Variants in CCDC201 observed in about 807,000 individuals in gnomAD.
The protein encoded by CCDC201 is coiled-coil domain-containing protein 201.
intron 2 of CCDC201, among the ~76,000 whole-genome samples, chr7:45,863,414 T>C (rs1167951002): frequency 6.6e-6 from 1 of 151,998 alleles, no homozygotes; most frequent in African/African-American, 2.4e-5. Context: ...AAGGTGCAGA[T>C]GAAGTCTGTG....
intron 1 of CCDC201, among the ~76,000 whole-genome samples, chr7:45,869,151 G>C: frequency 6.6e-6 from 1 of 152,286 alleles, no homozygotes; most frequent in Middle Eastern, 3.4e-3. Flanking sequence ...AGAGCTATGT[G>C]TTTCACTTCC....
the CCDC201 span, among the ~76,000 whole-genome samples, chr7:45,881,312 G>C: frequency 6.6e-6 from 1 of 152,132 alleles, no homozygotes; most frequent in Non-Finnish European, 1.5e-5. Flanking sequence ...CTGCCTCTTT[G>C]TTTCTTCCCT....
At chr7:45,879,225 C>T in the CCDC201 span, among the ~76,000 whole-genome samples, 2 of 152,190 alleles carry the variant, frequency 1.3e-5, no homozygotes, top group Non-Finnish European at 2.9e-5. Flanking sequence ...TCTGAAAAGT[C>T]TTTAGGAAGT....
chr7:45,877,690 C>T (rs1461847135), upstream of CCDC201, among the ~76,000 whole-genome samples: 3 of 152,172 alleles, frequency 2.0e-5, no homozygotes, highest in African/African-American at 4.8e-5. Context: ...GATCCAATCA[C>T]CTCCCATCAG....
In CCDC201 at chr7:45,871,383, A is replaced by C. The variant is rs147217976; in HGVS notation, c.18+1607T>G. ...AATTCATAAATTACCAGAAAAAAAA[A>C]CAAAAAAATTAAAAATCTGAAACAA... On this transcript the variant is annotated intron_variant, in intron 1 of 2. Transcript: ENST00000636578. Among the ~76,000 whole-genome samples the C allele has an allele frequency of 4.8e-3, 726 of 152,162 alleles. 12 individuals carry two copies. The highest frequency in any genetic ancestry group is 0.016 in the African/African-American group (666 of 41,528).
chr7:45,868,381 C>T (rs1583653190), intron 1 of CCDC201, among the ~76,000 whole-genome samples: 1 of 152,314 alleles, frequency 6.6e-6, no homozygotes, highest in African/African-American at 2.4e-5. Flanking sequence ...AAGTCACACT[C>T]CTTCATTTCT....
At chr7:45,861,365 AAAAGT>A (rs1383983487) in exon 3 of CCDC201, 3 of 140,496 alleles carry the variant, frequency 2.1e-5, no homozygotes, top group Non-Finnish European at 3.2e-5. Context: ...AAAAAAAGAA[AAAAGT>A]AAACTTTTTA....
At chr7:45,877,443 C>G (rs1300559057), upstream of CCDC201, among the ~76,000 whole-genome samples, 1 of 152,118 alleles carries the variant, frequency 6.6e-6, no homozygotes, top group African/African-American at 2.4e-5. Flanking sequence ...TAAAGAAATA[C>G]CTGAAACTGG....
chr7:45,884,038 C>T, the CCDC201 span, among the ~76,000 whole-genome samples: 4 of 150,022 alleles, frequency 2.7e-5, no homozygotes, highest in African/African-American at 9.8e-5. Context: ...TTCCTTCCTT[C>T]CTTCCTTCTC....
At chr7:45,867,226 T>C (rs187277365) in intron 1 of CCDC201, among the ~76,000 whole-genome samples, 27 of 152,342 alleles carry the variant, frequency 1.8e-4, no homozygotes, top group Non-Finnish European at 2.6e-4. Flanking sequence ...TTTGTAATGA[T>C]CTCTTGGTGT....
upstream of CCDC201, among the ~76,000 whole-genome samples, chr7:45,874,773 A>G (rs1387623484): frequency 1.3e-5 from 2 of 152,208 alleles, no homozygotes; most frequent in African/African-American, 4.8e-5. Context: ...AAGTGCTGAG[A>G]GTGGCTCGAA....
At chr7:45,881,106 C>G in the CCDC201 span, among the ~76,000 whole-genome samples, 1 of 152,130 alleles carries the variant, frequency 6.6e-6, no homozygotes, top group African/African-American at 2.4e-5. Context: ...TTCCTGAAGC[C>G]CATGCATGGT....
rs111247051 is a variant in CCDC201, at chr7:45,872,542, G to A, written c.18+448C>T. On this transcript the variant is annotated intron_variant, in intron 1 of 2. Coordinates refer to ENST00000636578, the Ensembl canonical transcript of CCDC201. ...AGGTTCCAAAGGCCTCATGAGACAGGCCAGGGGAGGAGATGGAGGAGGACC... is the reference window on the plus strand; with the variant it reads ...AGGTTCCAAAGGCCTCATGAGACAGACCAGGGGAGGAGATGGAGGAGGACC... Among the ~76,000 whole-genome samples, 608 of 152,326 alleles carry A rather than the reference G, an allele frequency of 4.0e-3. 4 individuals carry two copies. Among genetic ancestry groups the A allele is most frequent in the African/African-American group, 0.014 (576 of 41,572 alleles).
chr7:45,882,111 A>T, the CCDC201 span, among the ~76,000 whole-genome samples: 1 of 152,106 alleles, frequency 6.6e-6, no homozygotes, highest in Non-Finnish European at 1.5e-5. Flanking sequence ...CCTGGATTGC[A>T]GCATTTCTTC....
At position 45,870,908 on chromosome 7, in the gene CCDC201, T is replaced by C. The variant is rs139203886; in HGVS notation, c.18+2082A>G. Among the ~76,000 whole-genome samples, 5 of 152,242 alleles carry C rather than the reference T, an allele frequency of 3.3e-5. No individual in the cohort carries two copies. In the East Asian group the frequency reaches 9.6e-4, roughly 29 times the overall value. ...TTCAACTTCAAAAAAGAGATTGAGA[T>C]CTCAGAGTAAAGTTAAGAAATGGGG... On this transcript the variant is annotated intron_variant, in intron 1 of 2. Transcript: ENST00000636578.
chr7:45,868,852 AGAAAGTCCAGTT>A (rs1337082039), intron 1 of CCDC201, among the ~76,000 whole-genome samples: 5 of 152,236 alleles, frequency 3.3e-5, no homozygotes, highest in Admixed American at 1.3e-4. Context: ...AAGTTATACT[AGAAAGTCCAGTT>A]GAAAGTCCAG....
chr7:45,863,629 C>T (rs1157374541), intron 2 of CCDC201, among the ~76,000 whole-genome samples: 1 of 152,124 alleles, frequency 6.6e-6, no homozygotes, highest in African/African-American at 2.4e-5. Context: ...CAGTTCAGCA[C>T]AGGGAAGACG....
At chr7:45,878,403 C>T in the CCDC201 span, among the ~76,000 whole-genome samples, 159 of 152,336 alleles carry the variant, frequency 1.0e-3, 1 homozygote, top group African/African-American at 3.2e-3. Context: ...AAGGCTCTGC[C>T]CTTGTAGCAG....
upstream of CCDC201, among the ~76,000 whole-genome samples, chr7:45,874,826 C>A (rs2116529306): frequency 6.6e-6 from 1 of 152,312 alleles, no homozygotes. Context: ...TACAGCCTTT[C>A]TGGAGTGCAA....
Sources: allele counts gnomAD v4.1 joint callset (sites outside exome capture counted in the v4.1 genomes callset), GRCh38; gene constraint gnomAD v4.1.1; transcripts MANE v1.5; gene names NCBI Gene and HGNC (gene_info 2026-07-23, HGNC 2026-07-21).